The following CDIPT variants were observed in gnomAD, a reference collection of about 807,000 sequenced individuals.
CDIPT encodes the protein PI synthase.
CDIPT carries 17 observed loss-of-function variants against 21.6 expected under a neutral mutation model. That is an observed-to-expected ratio of 0.79 (90% CI 0.54 to 1.18). CDIPT has a LOEUF of 1.18. Ranked by LOEUF, CDIPT falls within the 50% of genes most tolerant of loss-of-function variation. The pLI, the probability that CDIPT is intolerant of heterozygous loss-of-function variation, is 0.00. For synonymous variants in CDIPT, 119 were observed against 117.9 expected, an observed-to-expected ratio of 1.01 and a Z score of -0.06; for missense variants, 254 against 284.9, an observed-to-expected ratio of 0.89 and a Z score of 0.78.
chr16:29,859,355 A>T lies in CDIPT; in HGVS notation c.497-21T>A, dbSNP rs781330542. The T allele has an allele frequency of 2.5e-6, 4 of 1,569,518 alleles. 1 individual carries two copies. The highest frequency in any genetic ancestry group is 3.8e-5 in the Admixed American group (2 of 52,630). ...GCCAACTGCAGGAAGGCAGCAGGGG[A>T]GTTTGGGGCCCGAAGGAGGGGGCCT... On this transcript the variant is annotated intron_variant, in intron 5 of 5. Coordinates refer to ENST00000219789, the MANE Select transcript of CDIPT (RefSeq NM_006319.5). This position sits in a 1 kb window ranked among gnomAD's most constrained non-coding sequence, Gnocchi z 4.5.
In CDIPT at chr16:29,863,082, A is replaced by G. The variant is rs1255244693; in HGVS notation, c.-225T>C. Reference sequence around the variant, plus strand: ...GGGGCGCGCGCAGTCCGCCCTTCCTACCCGCAACCTCCCTCGCCTCTGCCA... The same window carrying G: ...GGGGCGCGCGCAGTCCGCCCTTCCTGCCCGCAACCTCCCTCGCCTCTGCCA... On this transcript the variant is annotated 5_prime_UTR_variant, in exon 1 of 6. Coordinates refer to ENST00000219789, the MANE Select transcript of CDIPT (RefSeq NM_006319.5). 3.5e-6 allele frequency: 2 copies of G among 570,730 alleles called. No individual in the cohort carries two copies. The highest frequency in any genetic ancestry group is 3.5e-5 in the East Asian group (1 of 28,194). The allele number at this position is 570,730 out of a possible 1,614,324, so 35.4% of individuals were successfully genotyped here.
chr16:29,860,788 CCA>C (rs2067674283), intron 3 of CDIPT, 126 bp from the exon 4 acceptor site: 9 of 675,888 alleles, frequency 1.3e-5, no homozygotes, highest in East Asian at 2.7e-5. Flanking sequence ...CTGCCGAAAG[CCA>C]CAGTTACCTA....
At position 29,862,722 on chromosome 16, in the gene CDIPT, T is replaced by C; in HGVS notation, c.44-2A>G. On this transcript the variant is annotated splice_acceptor_variant, in intron 1 of 5. Coordinates refer to ENST00000219789, the MANE Select transcript of CDIPT (RefSeq NM_006319.5). LOFTEE classifies it high-confidence loss of function. This position sits in a 1 kb window ranked among gnomAD's most constrained non-coding sequence, Gnocchi z 6.7. The stretch of plus-strand genomic sequence containing the variant: ...TGGCGAAGACAATCCGGGCATAACC[T>C]TGGAACGGGACGCGGGGAGACAGGG... 1 of 1,613,914 alleles carries C rather than the reference T, an allele frequency of 6.2e-7. No homozygotes were observed.
chr16:29,859,132 G>A lies in CDIPT; in HGVS notation c.*57C>T. ...ACCTCCTAGCAGGGGGTGGGGAGCT[G>A]TGTGGCACAGCAAGACTCCCAGGGC... On this transcript the variant is annotated 3_prime_UTR_variant, in exon 6 of 6. Coordinates refer to ENST00000219789, the MANE Select transcript of CDIPT (RefSeq NM_006319.5). This position sits in a 1 kb window ranked among gnomAD's most constrained non-coding sequence, Gnocchi z 4.5. 1.3e-6 allele frequency: 2 copies of A among 1,550,806 alleles called. No individual in the cohort carries two copies. The highest frequency in any genetic ancestry group is 8.7e-7 in the Non-Finnish European group (1 of 1,149,784).
Position 29,863,048 on chromosome 16 carries a change from G to T in CDIPT, c.-191C>A, listed in dbSNP as rs565809738. 1 of 657,834 alleles carries T rather than the reference G, an allele frequency of 1.5e-6. No individual in the cohort carries two copies. Among genetic ancestry groups the T allele is most frequent in the Non-Finnish European group, 2.6e-6 (1 of 379,202 alleles). 40.7% of individuals were successfully genotyped at this position (657,834 alleles called of 1,614,324 possible). On this transcript the variant is annotated 5_prime_UTR_variant, in exon 1 of 6. Coordinates refer to ENST00000219789, the MANE Select transcript of CDIPT (RefSeq NM_006319.5). ...AGCATGGACCGGCCCCGAGGTGCGCGGGACGCAGGGGGCGCGCGCAGTCCG... is the reference window on the plus strand; with the variant it reads ...AGCATGGACCGGCCCCGAGGTGCGCTGGACGCAGGGGGCGCGCGCAGTCCG...
chr16:29,860,625 C>G lies in CDIPT; in HGVS notation c.370G>C (p.Asp124His). The G allele has an allele frequency of 6.2e-7, 1 of 1,613,222 alleles. No individual in the cohort carries two copies. Residue 124 changes from aspartate to histidine, a missense_variant, in exon 4 of 6, where the codon GAC (aspartate) becomes CAC (histidine). Coordinates refer to ENST00000219789, the MANE Select transcript of CDIPT (RefSeq NM_006319.5). ...CGAAGCACCGGATTCCCGGACAAGT[C>G]GATCATCTTGTGACTCTCACTGCCT... The part of the protein sequence containing the change: ...VRGSESHKMI[D>H]LSGNPVLRIY...
chr16:29,861,474 G>C, intron 2 of CDIPT: 3 of 1,536,478 alleles, frequency 2.0e-6, no homozygotes, highest in Non-Finnish European at 8.7e-7. Context: ...GGAGGGAACA[G>C]GGTAGGAGGA....
Position 29,862,979 on chromosome 16 carries a change from C to T in CDIPT, c.-122G>A, listed in dbSNP as rs759933532. Reference sequence around the variant, plus strand: ...CGCACCACCTGCGCCCTGGACCCCGCCGCCCCAACCTGGCCCCAGATGCTG... The same window carrying T: ...CGCACCACCTGCGCCCTGGACCCCGTCGCCCCAACCTGGCCCCAGATGCTG... On this transcript the variant is annotated 5_prime_UTR_variant, in exon 1 of 6. Transcript: ENST00000219789. The surrounding 1 kb of genome is among the most constrained non-coding windows in gnomAD (Gnocchi z 6.7). 8.9e-7 allele frequency: 1 copy of T among 1,125,782 alleles called. No individual in the cohort carries two copies. The highest frequency in any genetic ancestry group is 1.3e-6 in the Non-Finnish European group (1 of 750,268). The allele number at this position is 1,125,782 out of a possible 1,614,324, so 69.7% of individuals were successfully genotyped here.
In CDIPT at chr16:29,859,501, G is replaced by A. The variant is rs749462058; in HGVS notation, c.437C>T (p.Ala146Val). Residue 146 changes from alanine (A) to valine (V), a missense_variant, in exon 5 of 6, where the codon GCT becomes GTT. Transcript: ENST00000219789. The surrounding 1 kb of genome is among the most constrained non-coding windows in gnomAD (Gnocchi z 4.5). ...GAGGCAGTAGAAGAGCTCATTCCCA[G>A]CACACAAGGTGAACAGAGCAGGCTG... Reference protein sequence around the residue: ...TSRPALFTLCAGNELFYCLLY... With the variant: ...TSRPALFTLCVGNELFYCLLY... The A allele has an allele frequency of 6.2e-7, 1 of 1,613,164 alleles. No individual in the cohort carries two copies. The highest frequency in any genetic ancestry group is 8.5e-7 in the Non-Finnish European group (1 of 1,179,350).
At position 29,862,663 on chromosome 16, in the gene CDIPT, A is replaced by AG. The variant is rs1408797640; in HGVS notation, c.100dup (p.Leu34ProfsTer25). On this transcript the variant is annotated frameshift_variant, in exon 2 of 6. Coordinates refer to ENST00000219789, the MANE Select transcript of CDIPT (RefSeq NM_006319.5). LOFTEE classifies it high-confidence loss of function. This position sits in a 1 kb window ranked among gnomAD's most constrained non-coding sequence, Gnocchi z 6.7. ...GAGCAGGTAGAAGGAGGAGGCCGTG[A>AG]GGGGGCAGCAGGGCATGAAGTAGAA... The AG allele has an allele frequency of 1.9e-6, 3 of 1,613,592 alleles. No individual in the cohort carries two copies. The highest frequency in any genetic ancestry group is 2.5e-6 in the Non-Finnish European group (3 of 1,179,744).
chr16:29,860,118 G>T (rs2067667801), intron 4 of CDIPT, among the ~76,000 whole-genome samples: 2 of 152,120 alleles, frequency 1.3e-5, no homozygotes, highest in South Asian at 2.1e-4. Flanking sequence ...GCTAATTCAA[G>T]ATTTTGTGTG....
At position 29,862,119 on chromosome 16, in the gene CDIPT, T is replaced by C. The variant is rs1331581307; in HGVS notation, c.178+467A>G. On this transcript the variant is annotated intron_variant, in intron 2 of 5. Coordinates refer to ENST00000219789, the MANE Select transcript of CDIPT (RefSeq NM_006319.5). This position sits in a 1 kb window ranked among gnomAD's most constrained non-coding sequence, Gnocchi z 6.7. ...CACACCTCTCACAAGCAGTGAGTTC[T>C]CAAGAGCTAGCTTAAATTCCTTTTG... Among the ~76,000 whole-genome samples, 3 of 152,202 alleles carry C rather than the reference T, an allele frequency of 2.0e-5. No individual in the cohort carries two copies. Among genetic ancestry groups the C allele is most frequent in the Non-Finnish European group, 4.4e-5 (3 of 68,038 alleles).
chr16:29,861,246 C>T lies in CDIPT; in HGVS notation c.192G>A (p.Gly64=), dbSNP rs1206184403. The change falls in exon 3 of 6, where the codon GGG becomes GGA. Residue 64 remains glycine, a synonymous_variant. Coordinates refer to ENST00000219789, the MANE Select transcript of CDIPT (RefSeq NM_006319.5). ...ARALNQGTRF[G]AMLDMLTDRC... is the part of the protein sequence containing the mutation. ...GGTCCGTCAGCATGTCCAGCATGGCCCCAAACCGGGTTCCTGGAAGATTAG... is the reference window on the plus strand; with the variant it reads ...GGTCCGTCAGCATGTCCAGCATGGCTCCAAACCGGGTTCCTGGAAGATTAG... 1 of 1,614,142 alleles carries T rather than the reference C, an allele frequency of 6.2e-7. No individual in the cohort carries two copies. The highest frequency in any genetic ancestry group is 2.2e-5 in the East Asian group (1 of 44,886).
chr16:29,860,472 G>T, intron 4 of CDIPT, 109 bp downstream of exon 4: 1 of 716,800 alleles, frequency 1.4e-6, no homozygotes. Flanking sequence ...GGAGTGACTG[G>T]GCAGGCCCTG....
chr16:29,860,083 G>T (rs2067667450), intron 4 of CDIPT, among the ~76,000 whole-genome samples: 1 of 152,124 alleles, frequency 6.6e-6, no homozygotes, highest in African/African-American at 2.4e-5. Flanking sequence ...AGAGACTACA[G>T]GCGTGTACCA....
chr16:29,860,433 C>A, intron 4 of CDIPT, 148 bp downstream of exon 4: 1 of 622,994 alleles, frequency 1.6e-6, no homozygotes, highest in Non-Finnish European at 2.9e-6. Flanking sequence ...TCCTCCTCCT[C>A]CACGCCTCAG....
At position 29,862,895 on chromosome 16, in the gene CDIPT, G is replaced by A; in HGVS notation, c.-38C>T. On this transcript the variant is annotated 5_prime_UTR_variant, in exon 1 of 6. Coordinates refer to ENST00000219789, the MANE Select transcript of CDIPT (RefSeq NM_006319.5). The surrounding 1 kb of genome is among the most constrained non-coding windows in gnomAD (Gnocchi z 6.7). ...CTTGCTGCCCCGGGCCTGCTCTGGA[G>A]ATGCCAGTGCTGTCCCAGCCCCGCA... 1 of 1,609,942 alleles carries A rather than the reference G, an allele frequency of 6.2e-7. No homozygotes were observed. Among genetic ancestry groups the A allele is most frequent in the Non-Finnish European group, 8.5e-7 (1 of 1,177,334 alleles).
Sources: allele counts gnomAD v4.1 joint callset (sites outside exome capture counted in the v4.1 genomes callset), GRCh38; gene constraint gnomAD v4.1.1; non-coding constraint Gnocchi (gnomAD v3.1); transcripts MANE v1.5; gene names NCBI Gene and HGNC (gene_info 2026-07-23, HGNC 2026-07-21).